Variants in FOSL2 observed in about 807,000 individuals in gnomAD.
FOSL2 encodes the protein fos-related antigen 2.
Under a neutral mutation model 27.7 loss-of-function variants are expected in FOSL2, and 3 were observed. The ratio of observed to expected loss-of-function variants is 0.11; its 90% CI spans 0.05 to 0.28. The LOEUF (loss-of-function observed/expected upper bound fraction) is 0.28. FOSL2 is among the 10% of genes least tolerant of loss of function. The probability of loss-of-function intolerance (pLI) is 1.00; values close to 1 mark genes in which losing one functional copy is unlikely to be tolerated. For synonymous variants in FOSL2, 179 were observed against 190.1 expected (o/e 0.94, Z 0.48); for missense variants, 333 against 445.1 (o/e 0.75, Z 2.27).
chr2:28,397,728 G>A (rs1663883617), intron 1 of FOSL2, among the ~76,000 whole-genome samples: 1 of 152,162 alleles, frequency 6.6e-6, no homozygotes, highest in Admixed American at 6.5e-5. Context: ...CCCCTTCCTT[G>A]TTTTTTCCTT....
chr2:28,393,672 G>A lies in FOSL2; in HGVS notation c.-49G>A. On this transcript the variant is annotated 5_prime_UTR_variant, in exon 1 of 4. Transcript: ENST00000264716. This position sits in a 1 kb window ranked among gnomAD's most constrained non-coding sequence, Gnocchi z 4.6. ...CAGCCGGTGCGCGGCCGCGGCGAGG[G>A]CGGGGGAAGAAAAACACCCTGTTTC... The A allele has an allele frequency of 7.1e-7, 1 of 1,400,600 alleles. No individual in the cohort carries two copies. Among genetic ancestry groups the A allele is most frequent in the Non-Finnish European group, 9.8e-7 (1 of 1,015,646 alleles). 86.8% of individuals were successfully genotyped at this position (1,400,600 alleles called of 1,614,324 possible).
At position 28,393,707 on chromosome 2, in the gene FOSL2, C is replaced by T; in HGVS notation, c.-14C>T. ...AAAAACACCCTGTTTCCTCTCCGGC[C>T]CCCACCGCGGATCATGTACCAGGAT... On this transcript the variant is annotated 5_prime_UTR_variant, in exon 1 of 4. Transcript: ENST00000264716. The surrounding 1 kb of genome is among the most constrained non-coding windows in gnomAD (Gnocchi z 4.6). The T allele has an allele frequency of 1.9e-6, 3 of 1,591,320 alleles. No homozygotes were observed. The highest frequency in any genetic ancestry group is 2.6e-6 in the Non-Finnish European group (3 of 1,165,046).
rs988389653 is a variant in FOSL2, at chr2:28,412,794, C to T, written c.*346C>T. 1.5e-5 allele frequency: 4 copies of T among 258,984 alleles called. No homozygotes were observed. The highest frequency in any genetic ancestry group is 3.0e-5 in the Non-Finnish European group (4 of 134,012). The allele number at this position is 258,984 out of a possible 1,614,324, so 16.0% of individuals were successfully genotyped here. On this transcript the variant is annotated 3_prime_UTR_variant, in exon 4 of 4. Coordinates refer to ENST00000264716, the MANE Select transcript of FOSL2 (RefSeq NM_005253.4). The surrounding 1 kb of genome is among the most constrained non-coding windows in gnomAD (Gnocchi z 7.1). ...CTGTCCCTTTGTTACCATACTGTCT[C>T]TGGAGTGATGGTGTCCTTCCCTGCC... is the stretch of plus-strand genomic sequence containing the variant.
Position 28,393,894 on chromosome 2 carries a change from T to C in FOSL2, c.102+72T>C. On this transcript the variant is annotated intron_variant, in intron 1 of 3. Transcript: ENST00000264716. This position sits in a 1 kb window ranked among gnomAD's most constrained non-coding sequence, Gnocchi z 4.6. ...CCTCTTCTCGCCGCCACTGCCTCTT[T>C]TGCTTTCTTTTCTTTTTCTTGGCGA... The C allele has an allele frequency of 9.7e-7, 1 of 1,026,544 alleles. No homozygotes were observed. The highest frequency in any genetic ancestry group is 1.4e-6 in the Non-Finnish European group (1 of 701,594). 63.6% of individuals were successfully genotyped at this position (1,026,544 alleles called of 1,614,324 possible).
Position 28,393,400 on chromosome 2 carries a change from C to T in FOSL2, c.-321C>T, listed in dbSNP as rs189105577. On this transcript the variant is annotated 5_prime_UTR_variant, in exon 1 of 4. Coordinates refer to ENST00000264716, the MANE Select transcript of FOSL2 (RefSeq NM_005253.4). This position sits in a 1 kb window ranked among gnomAD's most constrained non-coding sequence, Gnocchi z 4.6. ...GGGTCCCCGCTGAGCTCCGGCTGCGCGCGGGGGCGGGAGGGCGCGCGCAGG... is the reference window on the plus strand; with the variant it reads ...GGGTCCCCGCTGAGCTCCGGCTGCGTGCGGGGGCGGGAGGGCGCGCGCAGG... The T allele has an allele frequency of 6.1e-6, 2 of 326,292 alleles. No homozygotes were observed. The highest frequency in any genetic ancestry group is 1.1e-5 in the Non-Finnish European group (2 of 177,824). 20.2% of individuals were successfully genotyped at this position (326,292 alleles called of 1,614,324 possible).
In FOSL2 at chr2:28,415,026, TAC is replaced by T. The variant is rs150516041; in HGVS notation, c.*2589_*2590del. 10 of 152,178 alleles carry T rather than the reference TAC, an allele frequency of 6.6e-5. No homozygotes were observed. The highest frequency in any genetic ancestry group is 1.7e-4 in the African/African-American group (7 of 41,434). The allele number at this position is 152,178 out of a possible 1,614,324, so 9.4% of individuals were successfully genotyped here. The stretch of plus-strand genomic sequence containing the variant: ...CTTGCCCTCCAAGTTCTCTCTCTCA[TAC>T]ACACACACACCCTTGCTCCAGAATC... On this transcript the variant is annotated 3_prime_UTR_variant, in exon 4 of 4. Coordinates refer to ENST00000264716, the MANE Select transcript of FOSL2 (RefSeq NM_005253.4).
Position 28,415,919 on chromosome 2 carries a change from C to T in FOSL2, c.*3471C>T, listed in dbSNP as rs1664303124. 6.6e-6 allele frequency: 1 copy of T among 152,206 alleles called. No homozygotes were observed. Among genetic ancestry groups the T allele is most frequent in the African/African-American group, 2.4e-5 (1 of 41,446 alleles). The allele number at this position is 152,206 out of a possible 1,614,324, so 9.4% of individuals were successfully genotyped here. ...CAATATTCTCCCACTCCATACTTCT[C>T]CTTCTACCCCACCATGTGCTCCCGT... On this transcript the variant is annotated 3_prime_UTR_variant, in exon 4 of 4. Coordinates refer to ENST00000264716, the MANE Select transcript of FOSL2 (RefSeq NM_005253.4).
At position 28,415,311 on chromosome 2, in the gene FOSL2, G is replaced by A. The variant is rs544241319; in HGVS notation, c.*2863G>A. ...CTCCCTGGCCAGTTGAATGGGGGAA[G>A]CTGCTGGCACAGGAAGGAGAGGCGA... is the stretch of plus-strand genomic sequence containing the variant. On this transcript the variant is annotated 3_prime_UTR_variant, in exon 4 of 4. Coordinates refer to ENST00000264716, the MANE Select transcript of FOSL2 (RefSeq NM_005253.4). The A allele has an allele frequency of 6.6e-6, 1 of 152,374 alleles. No individual in the cohort carries two copies. Among genetic ancestry groups the A allele is most frequent in the South Asian group, 2.1e-4 (1 of 4,834 alleles). 9.4% of individuals were successfully genotyped at this position (152,374 alleles called of 1,614,324 possible).
rs775737358 is a variant in FOSL2, at chr2:28,413,540, C to G, written c.*1092C>G. 5.0e-6 allele frequency: 2 copies of G among 398,750 alleles called. No homozygotes were observed. Among genetic ancestry groups the G allele is most frequent in the Non-Finnish European group, 8.8e-6 (2 of 226,166 alleles). 24.7% of individuals were successfully genotyped at this position (398,750 alleles called of 1,614,324 possible). A position where few individuals can be genotyped will look rare whatever the true frequency, so the allele number is the denominator to read the frequency against. The stretch of plus-strand genomic sequence containing the variant: ...GCTGCCAGGCAGCCCCTCCCCAAGC[C>G]TCAAAGAAGCATTTGCTGAGGATGG... On this transcript the variant is annotated 3_prime_UTR_variant, in exon 4 of 4. Coordinates refer to ENST00000264716, the MANE Select transcript of FOSL2 (RefSeq NM_005253.4).
At position 28,393,538 on chromosome 2, in the gene FOSL2, T is replaced by A; in HGVS notation, c.-183T>A. 1.8e-6 allele frequency: 1 copy of A among 560,646 alleles called. No individual in the cohort carries two copies. The highest frequency in any genetic ancestry group is 3.2e-6 in the Non-Finnish European group (1 of 314,466). The allele number at this position is 560,646 out of a possible 1,614,324, so 34.7% of individuals were successfully genotyped here. ...GCTGTAAGGGACGCTCGGGGGACGC[T>A]GTTCCTGAGGTGTCGCCGCCTCCCT... On this transcript the variant is annotated 5_prime_UTR_variant, in exon 1 of 4. Transcript: ENST00000264716. The surrounding 1 kb of genome is among the most constrained non-coding windows in gnomAD (Gnocchi z 4.6).
rs1293261244 is a variant in FOSL2 at position 28,413,747 on chromosome 2, C to T, written c.*1299C>T. On this transcript the variant is annotated 3_prime_UTR_variant, in exon 4 of 4. Transcript: ENST00000264716. ...GCTTTCTCTTTTACACTCCCCTGTC[C>T]CCACCCCAGTGCACTCTTCTGGCCC... 1.0e-5 allele frequency: 4 copies of T among 398,940 alleles called. No individual in the cohort carries two copies. The highest frequency in any genetic ancestry group is 8.8e-6 in the Non-Finnish European group (2 of 226,368). The allele number at this position is 398,940 out of a possible 1,614,324, so 24.7% of individuals were successfully genotyped here. A position where few individuals can be genotyped will look rare whatever the true frequency, so the allele number is the denominator to read the frequency against.
At chr2:28,410,540 G>T in intron 3 of FOSL2, 1 of 985,296 alleles carries the variant, frequency 1.0e-6, no homozygotes, top group Non-Finnish European at 1.2e-6. Context: ...TTTCACTCCG[G>T]AATATGCTGT....
chr2:28,404,461 A>G lies in FOSL2; in HGVS notation c.354+103A>G. On this transcript the variant is annotated intron_variant, in intron 2 of 3. Coordinates refer to ENST00000264716, the MANE Select transcript of FOSL2 (RefSeq NM_005253.4). The surrounding 1 kb of genome is among the most constrained non-coding windows in gnomAD (Gnocchi z 4.7). ...CTGGGAGGGTTAATGTTCTGAGAGCAGGGGAGACAAGGGAGCTAGGGGTCG... is the reference window on the plus strand; with the variant it reads ...CTGGGAGGGTTAATGTTCTGAGAGCGGGGGAGACAAGGGAGCTAGGGGTCG... 1 of 1,379,492 alleles carries G rather than the reference A, an allele frequency of 7.2e-7. No individual in the cohort carries two copies. Among genetic ancestry groups the G allele is most frequent in the South Asian group, 1.4e-5 (1 of 72,488 alleles). 85.5% of individuals were successfully genotyped at this position (1,379,492 alleles called of 1,614,324 possible).
chr2:28,398,629 C>T (rs998131477), intron 1 of FOSL2, among the ~76,000 whole-genome samples: 3 of 152,232 alleles, frequency 2.0e-5, no homozygotes, highest in Non-Finnish European at 4.4e-5. Context: ...TTCTCTTCCC[C>T]CTGGCAGGCA....
At position 28,412,113 on chromosome 2, in the gene FOSL2, G is replaced by A. The variant is rs747862760; in HGVS notation, c.646G>A (p.Val216Met). 30 of 1,606,316 alleles carry A rather than the reference G, an allele frequency of 1.9e-5. No individual in the cohort carries two copies. Among genetic ancestry groups the A allele is most frequent in the Admixed American group, 6.7e-5 (4 of 59,952 alleles). ...GCCCATGCGCAGTGGGGGTGGCTCG[G>A]TGGGCGCTGTAGTGGTGAAACAGGA... is the stretch of plus-strand genomic sequence containing the variant. The part of the protein sequence containing the change: ...LQPMRSGGGS[V>M]GAVVVKQEPL... The change falls in exon 4 of 4, where the codon GTG (valine) becomes ATG (methionine). Residue 216 changes from valine to methionine, a missense_variant. Transcript: ENST00000264716. The surrounding 1 kb of genome is among the most constrained non-coding windows in gnomAD (Gnocchi z 7.1).
At chr2:28,395,099 C>G (rs940406257) in intron 1 of FOSL2, among the ~76,000 whole-genome samples, 16 of 152,206 alleles carry the variant, frequency 1.1e-4, no homozygotes, top group Non-Finnish European at 1.9e-4. Context: ...TAAGCACCCA[C>G]AGTAGAGACA....
intron 3 of FOSL2, among the ~76,000 whole-genome samples, chr2:28,411,243 C>CAGAAGTGCTG (rs1664191961): frequency 6.6e-6 from 1 of 152,038 alleles, no homozygotes; most frequent in Admixed American, 6.5e-5. Context: ...TCTGAGAAGC[C>CAGAAGTGCTG]AGGCACTGTT....
chr2:28,396,744 G>A (rs991468735), intron 1 of FOSL2: 1 of 144,196 alleles, frequency 6.9e-6, no homozygotes, highest in Non-Finnish European at 1.5e-5. Flanking sequence ...TTGGAGTTAA[G>A]GAATACCAGA....
In FOSL2 at chr2:28,393,933, G is replaced by C. The variant is rs1031284034; in HGVS notation, c.102+111G>C. ...TTTTCTTGGCGAGAAAATACCTACG[G>C]GCCACCGTTGTAAGTTCTGGATTTT... On this transcript the variant is annotated intron_variant, in intron 1 of 3. Transcript: ENST00000264716. The surrounding 1 kb of genome is among the most constrained non-coding windows in gnomAD (Gnocchi z 4.6). 1.4e-5 allele frequency: 11 copies of C among 766,038 alleles called. No homozygotes were observed. The African/African-American group carries it at 1.5e-4, about 10-fold the overall frequency. 47.5% of individuals were successfully genotyped at this position (766,038 alleles called of 1,614,324 possible). A position where few individuals can be genotyped will look rare whatever the true frequency, so the allele number is the denominator to read the frequency against.
Sources: gnomAD v4.1 joint callset for allele counts (sites outside exome capture counted in the v4.1 genomes callset) on GRCh38, gnomAD v4.1.1 for gene constraint, Gnocchi (gnomAD v3.1) non-coding constraint, MANE v1.5 for transcripts, NCBI Gene and HGNC (gene_info 2026-07-23, HGNC 2026-07-21) for gene names.